The following CHD4 variants were observed in gnomAD, a reference collection of about 807,000 sequenced individuals.
CHD4 encodes chromodomain helicase DNA binding protein 4, also known as ATP-dependent chromatin remodeler CHD4.
Under a neutral mutation model 235.5 loss-of-function variants are expected in CHD4, and 35 were observed. The observed-to-expected ratio is 0.15, with a 90% CI of 0.11 to 0.20. The LOEUF (loss-of-function observed/expected upper bound fraction) is 0.20, where lower values mean the gene tolerates loss of function less well. Ranked by LOEUF, CHD4 falls within the 10% of genes least tolerant of loss-of-function variation. The pLI, the probability that CHD4 is intolerant of heterozygous loss-of-function variation, is 1.00. For missense variants in CHD4, 1,329 were observed against 2,432.3 expected (o/e 0.55, Z 9.54); for synonymous variants, 900 against 850.2 (o/e 1.06, Z -1.02).
Position 6,582,010 on chromosome 12 carries a change from C to G in CHD4, c.4515+127G>C. Reference sequence around the variant, plus strand: ...TAGAGATGGGGTTTCGCCATGTTGACCAGGCTAGTCTCTAACTCCTGACCT... The same window carrying G: ...TAGAGATGGGGTTTCGCCATGTTGAGCAGGCTAGTCTCTAACTCCTGACCT... On this transcript the variant is annotated intron_variant, in intron 30 of 39. Coordinates refer to ENST00000544040, the MANE Select transcript of CHD4 (RefSeq NM_001273.5). 4 of 1,189,130 alleles carry G rather than the reference C, an allele frequency of 3.4e-6. No individual in the cohort carries two copies. In the South Asian group the frequency reaches 7.2e-5, roughly 21 times the overall value. 73.7% of individuals were successfully genotyped at this position (1,189,130 alleles called of 1,614,324 possible). A position where few individuals can be genotyped will look rare whatever the true frequency, so the allele number is the denominator to read the frequency against.
At position 6,583,116 on chromosome 12, in the gene CHD4, G is replaced by A; in HGVS notation, c.4061-3C>T. 1 of 1,596,802 alleles carries A rather than the reference G, an allele frequency of 6.3e-7. No individual in the cohort carries two copies. Among genetic ancestry groups the A allele is most frequent in the African/African-American group, 1.3e-5 (1 of 74,466 alleles). ...GTCGGACTGGTCGTCCTGCCAATCT[G>A]GAGGGAGAGAGGGCAGATGAGCGGG... On this transcript the variant is annotated splice_polypyrimidine_tract_variant and splice_region_variant and intron_variant, in intron 26 of 39. Transcript: ENST00000544040.
chr12:6,590,591 G>A (rs1489309391), intron 22 of CHD4, among the ~76,000 whole-genome samples: 1 of 152,190 alleles, frequency 6.6e-6, no homozygotes, highest in East Asian at 1.9e-4. Flanking sequence ...GGCCAAGGCA[G>A]GAGGATTGCT....
chr12:6,601,117 C>G, intron 6 of CHD4, 64 bp from the exon 7 acceptor site: 3 of 1,523,550 alleles, frequency 2.0e-6, no homozygotes, highest in Non-Finnish European at 2.6e-6. Flanking sequence ...AAAATCTTCT[C>G]CACCTAAGCT....
intron 12 of CHD4, among the ~76,000 whole-genome samples, chr12:6,597,500 C>T (rs564433562): frequency 2.0e-5 from 3 of 151,986 alleles, no homozygotes; most frequent in Admixed American, 6.6e-5. Context: ...TGGTGGCTCA[C>T]GCCTGTTAAT....
Position 6,602,127 on chromosome 12 carries a change from C to G in CHD4, c.271G>C (p.Glu91Gln). 1 of 1,613,932 alleles carries G rather than the reference C, an allele frequency of 6.2e-7. No homozygotes were observed. Among genetic ancestry groups the G allele is most frequent in the Middle Eastern group, 1.7e-4 (1 of 6,054 alleles). ...ACCTCTTCCTCCTCCTCCACAAACT[C>G]TGGCCCCTCCCCAGAGCTGTCCCCC... ...QLGDSSGEGP[E>Q]FVEEEEEVAL... is the part of the protein sequence containing the mutation. The change falls in exon 4 of 40, where the codon GAG becomes CAG. Residue 91 changes from glutamate (E) to glutamine (Q), a missense_variant. Transcript: ENST00000544040.
intron 25 of CHD4, among the ~76,000 whole-genome samples, chr12:6,585,517 C>T (rs1034765266): frequency 6.6e-6 from 1 of 151,822 alleles, no homozygotes. Context: ...CTCTTGACCT[C>T]GTGATCCACC....
Position 6,588,334 on chromosome 12 carries a change from G to A in CHD4, c.3429C>T (p.Ile1143=). Residue 1143 remains isoleucine (I), a synonymous_variant, in exon 23 of 40, where the codon ATC becomes ATT. Transcript: ENST00000544040. ...TATGGGGGTTCCAGTCAGAGTCATA[G>A]ATAATAACTGTGTCAGCAGTGGCCA... ...INLATADTVI[I]YDSDWNPHND... is the part of the protein sequence containing the mutation. 2 of 1,614,178 alleles carry A rather than the reference G, an allele frequency of 1.2e-6. No homozygotes were observed. The highest frequency in any genetic ancestry group is 2.2e-5 in the East Asian group (1 of 44,890).
intron 6 of CHD4, 112 bp from the exon 7 acceptor site, chr12:6,601,165 A>C (rs1948582974): frequency 6.6e-7 from 1 of 1,523,176 alleles, no homozygotes; most frequent in Non-Finnish European, 8.8e-7. Context: ...TTCCCTCCAA[A>C]ATCCAAGACT....
Position 6,577,213 on chromosome 12 carries a change from A to G in CHD4, c.5361+572T>C, listed in dbSNP as rs1214856274. Among the ~76,000 whole-genome samples the G allele has an allele frequency of 2.0e-5, 3 of 152,092 alleles. No individual in the cohort carries two copies. In the East Asian group the frequency reaches 5.8e-4, roughly 29 times the overall value. On this transcript the variant is annotated intron_variant, in intron 37 of 39. Transcript: ENST00000544040. ...GCAGGTGGATCACTTCGAGGTCAGG[A>G]GTTTGAGACCAGCCTAGCCAACATG...
At position 6,588,292 on chromosome 12, in the gene CHD4, G is replaced by C. The variant is rs754073156; in HGVS notation, c.3465+6C>G. ...CTTATTAAGGCTGCCTGCTGCCTCT[G>C]CTCACCTGAATGTCATTATGGGGGT... On this transcript the variant is annotated splice_donor_region_variant and intron_variant, in intron 23 of 39. Transcript: ENST00000544040. 6 of 1,613,250 alleles carry C rather than the reference G, an allele frequency of 3.7e-6. No homozygotes were observed. The Admixed American group carries it at 1.0e-4, about 27-fold the overall frequency.
rs776371949 is a variant in CHD4 at position 6,600,001 on chromosome 12, G to A, written c.1254C>T (p.Gly418=). The change falls in exon 10 of 40, where the codon GGC becomes GGT. Residue 418 remains glycine (G), a synonymous_variant. Transcript: ENST00000544040. ...TGTCCTCTTTAGCTTCCCACTGGAT[G>A]CCTTCCTTCTCCTGCAGTAAAGGAC... The part of the protein sequence containing the change: ...KWSCPHCEKE[G]IQWEAKEDNS... 3 of 1,613,984 alleles carry A rather than the reference G, an allele frequency of 1.9e-6. No homozygotes were observed. The highest frequency in any genetic ancestry group is 2.5e-6 in the Non-Finnish European group (3 of 1,180,012).
chr12:6,579,257 C>T (rs1285134313), intron 33 of CHD4: 5 of 334,922 alleles, frequency 1.5e-5, no homozygotes, highest in Admixed American at 4.5e-5. Flanking sequence ...AGAAACCAGC[C>T]TGGCCAACAT....
intron 33 of CHD4, among the ~76,000 whole-genome samples, chr12:6,579,883 C>T (rs1390525820): frequency 1.3e-5 from 2 of 151,248 alleles, no homozygotes; most frequent in South Asian, 2.1e-4. Context: ...GGTGAAACCC[C>T]GTCTCTACTA....
rs1268200346 is a variant in CHD4 at position 6,598,117 on chromosome 12, A to C, written c.1687-18T>G. On this transcript the variant is annotated intron_variant, in intron 11 of 39. Transcript: ENST00000544040. The stretch of plus-strand genomic sequence containing the variant: ...AGCTCCAGCTTTGAGCGGAAAGAGA[A>C]AATCAGCCACCAAGAAGCTGTGTTC... 1 of 1,614,014 alleles carries C rather than the reference A, an allele frequency of 6.2e-7. No homozygotes were observed.
At chr12:6,588,546 G>A in intron 22 of CHD4, 124 bp from the exon 23 acceptor site, 1 of 1,028,460 alleles carries the variant, frequency 9.7e-7, no homozygotes, top group South Asian at 1.6e-5. Context: ...GGGAGGCAGA[G>A]ACAGGTGGAT....
At chr12:6,596,264 G>T in intron 12 of CHD4, 127 bp from the exon 13 acceptor site, 1 of 1,190,412 alleles carries the variant, frequency 8.4e-7, no homozygotes, top group Non-Finnish European at 1.2e-6. Flanking sequence ...CACGTTTTCA[G>T]AGCCTCTACT....
In CHD4 at chr12:6,591,689, G is replaced by A; in HGVS notation, c.3222+5C>T. On this transcript the variant is annotated splice_donor_5th_base_variant and intron_variant, in intron 21 of 39. Transcript: ENST00000544040. ...GTTCCCTAAAGCTCCCAGTCCACAT[G>A]ATACCTGGGAAAAGATGAGTACACG... 1 of 1,614,158 alleles carries A rather than the reference G, an allele frequency of 6.2e-7. No individual in the cohort carries two copies. Among genetic ancestry groups the A allele is most frequent in the Non-Finnish European group, 8.5e-7 (1 of 1,180,026 alleles).
At chr12:6,573,052 A>C in intron 38 of CHD4, 22 bp downstream of exon 38, 1 of 1,588,158 alleles carries the variant, frequency 6.3e-7, no homozygotes, top group Non-Finnish European at 8.5e-7. Context: ...AATCGGCAGG[A>C]GGCAGGGGAG....
chr12:6,602,306 GC>G (rs1365351122), intron 3 of CHD4, 69 bp downstream of exon 3: 2 of 1,606,358 alleles, frequency 1.2e-6, no homozygotes, highest in Admixed American at 1.7e-5. Flanking sequence ...AATGCCCTCA[GC>G]CCTTCAACCC....
Sources: gnomAD v4.1 joint callset for allele counts (sites outside exome capture counted in the v4.1 genomes callset) on GRCh38, gnomAD v4.1.1 for gene constraint, MANE v1.5 for transcripts, NCBI Gene and HGNC (gene_info 2026-07-23, HGNC 2026-07-21) for gene names.